Variants in SH3KBP1 observed in about 807,000 individuals in gnomAD.
SH3KBP1 encodes SH3 domain-containing kinase-binding protein 1.
A neutral mutation model predicts 50.1 loss-of-function variants in SH3KBP1; 8 were observed. The observed-to-expected ratio is 0.16, with a 90% confidence interval of 0.09 to 0.29. The LOEUF is 0.29. Among genes scored for constraint, SH3KBP1 ranks in the 10% least tolerant of loss-of-function variants. The probability of loss-of-function intolerance (pLI) is 1.00; values close to 1 mark genes in which losing one functional copy is unlikely to be tolerated. For missense variants in SH3KBP1, 377 were observed against 535.2 expected (o/e 0.70, Z 2.92); for synonymous variants, 227 against 218.6 (o/e 1.04, Z -0.34).
At chrX:19,609,018 C>A (rs759487179) in intron 8 of SH3KBP1, among the ~76,000 whole-genome samples, 1 of 112,789 alleles carries the variant, frequency 8.9e-6, no homozygotes, top group Non-Finnish European at 1.9e-5. Context: ...TATCAAGCAT[C>A]TACTTTGTTC....
At chrX:19,838,436 A>C (rs1220688433) in intron 1 of SH3KBP1, among the ~76,000 whole-genome samples, 1 of 112,195 alleles carries the variant, frequency 8.9e-6, no homozygotes, top group East Asian at 2.8e-4. Context: ...TGTCCCCACC[A>C]TGGGGTGCCC....
intron 1 of SH3KBP1, among the ~76,000 whole-genome samples, chrX:19,838,021 A>C (rs1043643689): frequency 9.1e-6 from 1 of 110,153 alleles, no homozygotes; most frequent in African/African-American, 3.3e-5. Flanking sequence ...GGTTTGGCAA[A>C]GATTTCTTAA....
chrX:19,814,351 C>T (rs975257452), intron 2 of SH3KBP1, among the ~76,000 whole-genome samples: 1 of 111,414 alleles, frequency 9.0e-6, no homozygotes, highest in Admixed American at 9.5e-5. Context: ...CAGAGGGAAC[C>T]TGTTAAAACA....
chrX:19,654,814 C>T (rs2062231348), intron 6 of SH3KBP1, among the ~76,000 whole-genome samples: 1 of 111,719 alleles, frequency 9.0e-6, no homozygotes, highest in Non-Finnish European at 1.9e-5. Flanking sequence ...ATGAGTATCA[C>T]GGGGCCAGTT....
At chrX:19,680,622 GCTTT>G (rs1433563411) in intron 6 of SH3KBP1, among the ~76,000 whole-genome samples, 1 of 111,490 alleles carries the variant, frequency 9.0e-6, no homozygotes, top group African/African-American at 3.3e-5. Flanking sequence ...CTCAAAGGAA[GCTTT>G]CTTCCTTAGA....
chrX:19,832,386 G>C (rs187976758), intron 2 of SH3KBP1, among the ~76,000 whole-genome samples: 1 of 111,867 alleles, frequency 8.9e-6, no homozygotes, highest in African/African-American at 3.2e-5. Flanking sequence ...AGGTAGTCGG[G>C]TTCTCAAAAG....
intron 1 of SH3KBP1, among the ~76,000 whole-genome samples, chrX:19,843,298 G>C (rs1410269708): frequency 9.1e-6 from 1 of 110,113 alleles, no homozygotes; most frequent in Non-Finnish European, 1.9e-5. Context: ...GGGATTGCAA[G>C]CGTGAGCCAC....
At chrX:19,793,695 G>A (rs2066614420) in intron 2 of SH3KBP1, among the ~76,000 whole-genome samples, 1 of 111,742 alleles carries the variant, frequency 8.9e-6, no homozygotes, top group Admixed American at 9.5e-5. Context: ...CATTCCCACT[G>A]CCCTGAGTCA....
At chrX:19,744,300 G>C (rs897020847) in intron 3 of SH3KBP1, among the ~76,000 whole-genome samples, 1 of 112,044 alleles carries the variant, frequency 8.9e-6, no homozygotes, top group African/African-American at 3.2e-5. Context: ...ATTTTGGGTG[G>C]GAAAAAAATG....
At chrX:19,678,875 T>C (rs1222427086) in intron 6 of SH3KBP1, among the ~76,000 whole-genome samples, 1 of 111,743 alleles carries the variant, frequency 8.9e-6, no homozygotes, top group Non-Finnish European at 1.9e-5. Flanking sequence ...TAGTTTCCCA[T>C]TGCTCTCAAG....
chrX:19,543,275 G>A (rs1350223465), intron 15 of SH3KBP1, among the ~76,000 whole-genome samples: 1 of 111,637 alleles, frequency 9.0e-6, no homozygotes, highest in African/African-American at 3.3e-5. Context: ...CACACACCAG[G>A]CATCGAGATT....
At chrX:19,678,624 GA>G (rs1025313560) in intron 6 of SH3KBP1, among the ~76,000 whole-genome samples, 85 of 108,544 alleles carry the variant, frequency 7.8e-4, no homozygotes, top group African/African-American at 1.1e-3. Context: ...TATCTATAAT[GA>G]AAAAAAAATC....
intron 8 of SH3KBP1, among the ~76,000 whole-genome samples, chrX:19,630,562 C>T (rs752439887): frequency 1.8e-5 from 2 of 112,059 alleles, no homozygotes; most frequent in East Asian, 2.8e-4. Flanking sequence ...CAGAGACATA[C>T]TGAAATAACT....
intron 5 of SH3KBP1, among the ~76,000 whole-genome samples, chrX:19,686,593 T>C (rs1008668506): frequency 3.6e-5 from 4 of 110,721 alleles, no homozygotes; most frequent in Non-Finnish European, 3.8e-5. Flanking sequence ...CACAGAGCAA[T>C]CTAGGTGCTG....
chrX:19,727,340 G>A (rs1327190182), intron 3 of SH3KBP1, among the ~76,000 whole-genome samples: 1 of 111,771 alleles, frequency 8.9e-6, no homozygotes, highest in African/African-American at 3.3e-5. Flanking sequence ...CTCAGCCCCT[G>A]CAAACCACCA....
intron 6 of SH3KBP1, among the ~76,000 whole-genome samples, chrX:19,651,647 G>C (rs918265786): frequency 8.9e-5 from 10 of 112,370 alleles, no homozygotes; most frequent in African/African-American, 3.2e-4. Flanking sequence ...AAACCTCTTT[G>C]CCCACAGTTA....
chrX:19,735,161 T>C (rs761454214), intron 3 of SH3KBP1, among the ~76,000 whole-genome samples: 1 of 112,164 alleles, frequency 8.9e-6, no homozygotes, highest in African/African-American at 3.2e-5. Context: ...ATGTTCGCGC[T>C]TTAACTCCTC....
chrX:19,841,528 T>C (rs1872162), intron 1 of SH3KBP1, among the ~76,000 whole-genome samples: 3 of 112,298 alleles, frequency 2.7e-5, no homozygotes, highest in Admixed American at 9.5e-5. Flanking sequence ...TTTGCACTTA[T>C]TGTGTTCTGT....
chrX:19,795,696 C>A (rs1036104455), intron 2 of SH3KBP1, among the ~76,000 whole-genome samples: 1 of 111,773 alleles, frequency 8.9e-6, no homozygotes, highest in Non-Finnish European at 1.9e-5. Flanking sequence ...ATGGAGTAAG[C>A]TGTTTGTGCG....
Sources: gnomAD v4.1 joint callset for allele counts (sites outside exome capture counted in the v4.1 genomes callset) on GRCh38, gnomAD v4.1.1 for gene constraint, MANE v1.5 for transcripts, NCBI Gene and HGNC (gene_info 2026-07-23, HGNC 2026-07-21) for gene names.